OSBPL3: variants seen among roughly 807,000 people sequenced by gnomAD.
OSBPL3 encodes the protein oxysterol binding protein like 3.
OSBPL3 carries 65 observed loss-of-function variants against 120.1 expected under a neutral mutation model. That is an observed-to-expected ratio of 0.54 (90% CI 0.44 to 0.67). The LOEUF (loss-of-function observed/expected upper bound fraction) is 0.67. Among genes scored for constraint, OSBPL3 ranks in the 30% least tolerant of loss-of-function variants. The probability of loss-of-function intolerance (pLI) is 0.00; values close to 1 mark genes in which losing one functional copy is unlikely to be tolerated. For synonymous variants in OSBPL3, 416 were observed against 402.6 expected (o/e 1.03, Z -0.40); for missense variants, 1,004 against 1,082.1 (o/e 0.93, Z 1.01).
chr7:24,865,982 T>C, intron 6 of OSBPL3, 88 bp downstream of exon 6: 1 of 1,085,092 alleles, frequency 9.2e-7, no homozygotes, highest in Non-Finnish European at 1.4e-6. Flanking sequence ...CGAAAACTTT[T>C]CCTTCTTCGG....
intron 13 of OSBPL3, among the ~76,000 whole-genome samples, chr7:24,842,058 A>G (rs1176952943): frequency 6.6e-6 from 1 of 152,166 alleles, no homozygotes; most frequent in Non-Finnish European, 1.5e-5. Context: ...AGTTACAGAA[A>G]TGAGAAAATA....
Position 24,966,630 on chromosome 7 carries a change from G to A in OSBPL3, c.-150+13256C>T, listed in dbSNP as rs1816413388. On this transcript the variant is annotated intron_variant, in intron 1 of 22. Coordinates refer to ENST00000313367, the MANE Select transcript of OSBPL3 (RefSeq NM_015550.4). This position sits in a 1 kb window ranked among gnomAD's most constrained non-coding sequence, Gnocchi z 4.8. ...TTTCCTTTTTGACACCCTATTATTG[G>A]TATCATTCCTTAATGACACACACAC... is the stretch of plus-strand genomic sequence containing the variant. Among the ~76,000 whole-genome samples the A allele has an allele frequency of 6.6e-6, 1 of 152,134 alleles. No homozygotes were observed.
chr7:24,810,223 T>G (rs1375745649), intron 19 of OSBPL3: 1 of 306,000 alleles, frequency 3.3e-6, no homozygotes, highest in Non-Finnish European at 6.1e-6. Flanking sequence ...TTACTTATGA[T>G]AACACTTAAC....
chr7:24,929,050 G>T (rs979651658), intron 1 of OSBPL3, among the ~76,000 whole-genome samples: 1 of 152,180 alleles, frequency 6.6e-6, no homozygotes, highest in Non-Finnish European at 1.5e-5. Flanking sequence ...TTTAGCTTTA[G>T]AAATTGCCAA....
chr7:24,980,695 C>G (rs902453899), upstream of OSBPL3, among the ~76,000 whole-genome samples: 1 of 151,774 alleles, frequency 6.6e-6, no homozygotes, highest in Non-Finnish European at 1.5e-5. Flanking sequence ...GGAGGCAGCA[C>G]TCTAGGCACG....
intron 1 of OSBPL3, among the ~76,000 whole-genome samples, chr7:24,897,218 C>A (rs1448570727): frequency 6.6e-6 from 1 of 152,104 alleles, no homozygotes; most frequent in Non-Finnish European, 1.5e-5. Context: ...GATGTAAAGG[C>A]TCATGGCCTC....
chr7:24,921,192 A>G (rs1189541265), intron 1 of OSBPL3, among the ~76,000 whole-genome samples: 1 of 110,522 alleles, frequency 9.0e-6, no homozygotes, highest in Non-Finnish European at 1.8e-5. Flanking sequence ...GCAGTGACTC[A>G]AGCCCACATT....
In OSBPL3 at chr7:24,849,696, G is replaced by A. The variant is rs1374222340; in HGVS notation, c.1159-520C>T. Reference sequence around the variant, plus strand: ...AGGCCGGGCAAGGTGGCTCACACCTGTAATTCCAGCACTTTGGGAGGTGGA... The same window carrying A: ...AGGCCGGGCAAGGTGGCTCACACCTATAATTCCAGCACTTTGGGAGGTGGA... On this transcript the variant is annotated intron_variant, in intron 11 of 22. Coordinates refer to ENST00000313367, the MANE Select transcript of OSBPL3 (RefSeq NM_015550.4). The surrounding 1 kb of genome is among the most constrained non-coding windows in gnomAD (Gnocchi z 5.4). 6.6e-6 allele frequency among the ~76,000 whole-genome samples: 1 copy of A among 152,176 alleles called. No individual in the cohort carries two copies. Among genetic ancestry groups the A allele is most frequent in the Non-Finnish European group, 1.5e-5 (1 of 68,024 alleles).
chr7:24,849,951 A>G lies in OSBPL3; in HGVS notation c.1159-775T>C, dbSNP rs1798936060. On this transcript the variant is annotated intron_variant, in intron 11 of 22. Transcript: ENST00000313367. This position sits in a 1 kb window ranked among gnomAD's most constrained non-coding sequence, Gnocchi z 5.4. ...AGAGTGAGACCCTGTCTCACGAAAA[A>G]AAAAAAAAGAAATAAAGAAAGTGTG... Among the ~76,000 whole-genome samples, 1 of 151,850 alleles carries G rather than the reference A, an allele frequency of 6.6e-6. No homozygotes were observed. The highest frequency in any genetic ancestry group is 2.4e-5 in the African/African-American group (1 of 41,334).
In OSBPL3 at chr7:24,800,262, G is replaced by A; in HGVS notation, c.2585C>T (p.Ser862Phe). ...PRFFRKSDDD[S>F]WVSNGTYLEL... ...CAAATAGGTGCCGTTGCTCACCCAA[G>A]AGTCATCGTCGGATTTCCTGTGAAA... The change falls in exon 23 of 23, where the codon TCT becomes TTT. Residue 862 changes from serine to phenylalanine, a missense_variant. By Grantham distance (155) the Ser-to-Phe change is radical (BLOSUM62 -2). This residue lies in a region of OSBPL3 where 473 missense variants were observed against 568.0 expected (regional missense o/e 0.83). Coordinates refer to ENST00000313367, the MANE Select transcript of OSBPL3 (RefSeq NM_015550.4). The A allele has an allele frequency of 6.2e-7, 1 of 1,610,226 alleles. No individual in the cohort carries two copies. The highest frequency in any genetic ancestry group is 8.5e-7 in the Non-Finnish European group (1 of 1,176,644).
intron 1 of OSBPL3, among the ~76,000 whole-genome samples, chr7:24,970,206 C>G (rs1441900968): frequency 6.9e-6 from 1 of 144,150 alleles, no homozygotes; most frequent in Non-Finnish European, 1.5e-5. Flanking sequence ...CTCCCCGGTT[C>G]AAGCGATTCT....
At chr7:24,942,455 T>C (rs1813212496) in intron 1 of OSBPL3, among the ~76,000 whole-genome samples, 1 of 46,506 alleles carries the variant, frequency 2.2e-5, no homozygotes, top group African/African-American at 2.0e-4. Flanking sequence ...CACGGGCCTC[T>C]TCTCTGTCAT....
At chr7:24,847,246 C>A (rs1798568023) in intron 12 of OSBPL3, among the ~76,000 whole-genome samples, 2 of 152,072 alleles carry the variant, frequency 1.3e-5, no homozygotes, top group South Asian at 2.1e-4. Flanking sequence ...GTCTGGGAGG[C>A]CATTTTCACT....
chr7:24,956,531 A>T (rs1815071946), intron 1 of OSBPL3, among the ~76,000 whole-genome samples: 1 of 152,238 alleles, frequency 6.6e-6, no homozygotes. Flanking sequence ...CCATGTTCAT[A>T]GCTTCACTAT....
Position 24,805,709 on chromosome 7 carries a change from G to C in OSBPL3, c.2444+1067C>G, listed in dbSNP as rs1792944219. 6.6e-6 allele frequency among the ~76,000 whole-genome samples: 1 copy of C among 152,140 alleles called. No individual in the cohort carries two copies. Among genetic ancestry groups the C allele is most frequent in the South Asian group, 2.1e-4 (1 of 4,832 alleles). On this transcript the variant is annotated intron_variant, in intron 21 of 22. Transcript: ENST00000313367. The surrounding 1 kb of genome is among the most constrained non-coding windows in gnomAD (Gnocchi z 4.0). ...AAATTAGGGGAATGGGCCCATTTGG[G>C]ACCAACTGTTACAGCTGACATACGT... is the stretch of plus-strand genomic sequence containing the variant.
intron 12 of OSBPL3, among the ~76,000 whole-genome samples, chr7:24,844,858 C>T (rs1258415266): frequency 6.6e-6 from 1 of 152,028 alleles, no homozygotes; most frequent in East Asian, 1.9e-4. Context: ...TTTTGAAAAA[C>T]TGGGATAAAC....
chr7:24,889,580 A>G (rs1318004764), intron 2 of OSBPL3, among the ~76,000 whole-genome samples: 1 of 152,184 alleles, frequency 6.6e-6, no homozygotes, highest in Admixed American at 6.5e-5. Flanking sequence ...TTCATTTGTC[A>G]TTTATTAGCT....
Position 24,972,436 on chromosome 7 carries a change from C to T in OSBPL3, c.-150+7450G>A, listed in dbSNP as rs17150652. ...TCCAGGGTCCCAATTAAAAGCCAGA[C>T]TCATTCCCTTTGAGCCACATCTCCC... On this transcript the variant is annotated intron_variant, in intron 1 of 22. Transcript: ENST00000313367. The surrounding 1 kb of genome is among the most constrained non-coding windows in gnomAD (Gnocchi z 4.3). Among the ~76,000 whole-genome samples, 8,779 of 152,266 alleles carry T rather than the reference C, an allele frequency of 0.058. 515 individuals carry two copies. Among genetic ancestry groups the T allele is most frequent in the East Asian group, 0.27 (1,389 of 5,180 alleles).
At position 24,852,866 on chromosome 7, in the gene OSBPL3, G is replaced by A. The variant is rs1448746753; in HGVS notation, c.1028-232C>T. ...ATGTGTCCACGTAGGTTCATTGACT[G>A]TAAGAGATGCAGTACTCTGGTGTGG... On this transcript the variant is annotated intron_variant, in intron 10 of 22. Transcript: ENST00000313367. This position sits in a 1 kb window ranked among gnomAD's most constrained non-coding sequence, Gnocchi z 4.1. 2.0e-5 allele frequency among the ~76,000 whole-genome samples: 3 copies of A among 152,150 alleles called. No individual in the cohort carries two copies. The highest frequency in any genetic ancestry group is 7.2e-5 in the African/African-American group (3 of 41,430).
Sources: gnomAD v4.1 joint callset for allele counts (sites outside exome capture counted in the v4.1 genomes callset) on GRCh38, gnomAD v4.1.1 for gene constraint, gnomAD v4.1.1 regional missense constraint, Gnocchi (gnomAD v3.1) non-coding constraint, MANE v1.5 for transcripts, NCBI Gene and HGNC (gene_info 2026-07-23, HGNC 2026-07-21) for gene names.